The following RBBP4 variants were observed in gnomAD, a reference collection of about 807,000 sequenced individuals.
RBBP4 encodes the protein histone-binding protein RBBP4.
RBBP4 carries 3 observed loss-of-function variants against 57.2 expected under a neutral mutation model. The ratio of observed to expected loss-of-function variants is 0.05; its 90% CI spans 0.02 to 0.14. RBBP4 has a LOEUF of 0.14. Ranked by LOEUF, RBBP4 falls within the 10% of genes least tolerant of loss-of-function variation. RBBP4 has a pLI of 1.00. For missense variants in RBBP4, 107 were observed against 520.6 expected (o/e 0.21, Z 7.73); for synonymous variants, 151 against 171.5 (o/e 0.88, Z 0.93).
chr1:32,657,312 T>C (rs1648188851), intron 2 of RBBP4, 115 bp from the exon 3 acceptor site: 1 of 1,019,484 alleles, frequency 9.8e-7, no homozygotes. Flanking sequence ...TTAATGACTT[T>C]TTCCCCTCTC....
chr1:32,659,531 G>A (rs572464525), intron 3 of RBBP4, among the ~76,000 whole-genome samples: 4 of 55,608 alleles, frequency 7.2e-5, no homozygotes, highest in Non-Finnish European at 1.2e-4. Context: ...TTGCACTCCA[G>A]CCTGGGCAAA....
intron 11 of RBBP4, among the ~76,000 whole-genome samples, chr1:32,677,583 CCCTGAAAT>C (rs1649160490): frequency 6.6e-6 from 1 of 152,024 alleles, no homozygotes; most frequent in Non-Finnish European, 1.5e-5. Flanking sequence ...GTAGTGGGAA[CCCTGAAAT>C]TTGTAGTCAA....
rs1368289792 is a variant in RBBP4, at chr1:32,651,273, C to A, written c.-34C>A. 111 of 1,504,154 alleles carry A rather than the reference C, an allele frequency of 7.4e-5. No individual in the cohort carries two copies. Among genetic ancestry groups the A allele is most frequent in the Non-Finnish European group, 9.7e-5 (109 of 1,126,904 alleles). The allele number at this position is 1,504,154 out of a possible 1,614,324, so 93.2% of individuals were successfully genotyped here. On this transcript the variant is annotated 5_prime_UTR_variant, in exon 1 of 12. Transcript: ENST00000373493. Reference sequence around the variant, plus strand: ...GCCTCCCCGCCCCTCCCGCAACGCTCGACCCCAGGATTCCCCCGGCTCGCC... The same window carrying A: ...GCCTCCCCGCCCCTCCCGCAACGCTAGACCCCAGGATTCCCCCGGCTCGCC...
chr1:32,673,605 T>G (rs1648968726), intron 11 of RBBP4: 2 of 275,528 alleles, frequency 7.3e-6, no homozygotes, highest in Non-Finnish European at 1.4e-5. Flanking sequence ...GCCTGGCTAA[T>G]TTTTTTGTAT....
chr1:32,681,688 T>C lies in RBBP4; in HGVS notation c.*1983T>C. ...CTGCCTCCGGCCAACTCTAGAATCT[T>C]TTTAAGCAGGTCAGCCAGTATTTGC... On this transcript the variant is annotated 3_prime_UTR_variant, in exon 12 of 12. Coordinates refer to ENST00000373493, the MANE Select transcript of RBBP4 (RefSeq NM_005610.3). 5 of 1,095,474 alleles carry C rather than the reference T, an allele frequency of 4.6e-6. No homozygotes were observed. Among genetic ancestry groups the C allele is most frequent in the Non-Finnish European group, 5.4e-6 (4 of 737,944 alleles). The allele number at this position is 1,095,474 out of a possible 1,614,324, so 67.9% of individuals were successfully genotyped here. A position where few individuals can be genotyped will look rare whatever the true frequency, so the allele number is the denominator to read the frequency against.
At chr1:32,653,666 G>GT (rs71571718) in intron 2 of RBBP4, among the ~76,000 whole-genome samples, 1,033 of 39,096 alleles carry the variant, frequency 0.026, 66 homozygotes, top group Middle Eastern at 0.13. Flanking sequence ...TTTTGTTTTT[G>GT]TTTTTTTTTT....
chr1:32,660,413 A>ATTTTATTTATTTAT (rs139696228), intron 3 of RBBP4, among the ~76,000 whole-genome samples: 20,059 of 39,496 alleles, frequency 0.51, 2,874 homozygotes, highest in African/African-American at 0.55. Context: ...CTGGATTTTT[A>ATTTTATTTATTTAT]TTTTATTTAT....
At chr1:32,655,703 G>A (rs935065703) in intron 2 of RBBP4, among the ~76,000 whole-genome samples, 7 of 152,060 alleles carry the variant, frequency 4.6e-5, no homozygotes, top group African/African-American at 1.7e-4. Context: ...TATTCCTTAC[G>A]TGAAGGCCTT....
Position 32,683,879 on chromosome 1 carries a change from C to T in RBBP4, c.*4174C>T. 1.2e-6 allele frequency: 1 copy of T among 821,190 alleles called. No homozygotes were observed. Among genetic ancestry groups the T allele is most frequent in the Non-Finnish European group, 1.9e-6 (1 of 513,256 alleles). 50.9% of individuals were successfully genotyped at this position (821,190 alleles called of 1,614,324 possible). On this transcript the variant is annotated 3_prime_UTR_variant, in exon 12 of 12. Coordinates refer to ENST00000373493, the MANE Select transcript of RBBP4 (RefSeq NM_005610.3). ...AACTCCTGACTCCAGGTGATCCACCCTCCTCAGCCTCCCAAAGTGCTAGGA... is the reference window on the plus strand; with the variant it reads ...AACTCCTGACTCCAGGTGATCCACCTTCCTCAGCCTCCCAAAGTGCTAGGA...
Position 32,680,123 on chromosome 1 carries a change from T to C in RBBP4, c.*418T>C. ...AAAGATGTCACTTTTATTCAGGAAA[T>C]AGGGGGAGATTCAAGTCATATAGAT... On this transcript the variant is annotated 3_prime_UTR_variant, in exon 12 of 12. Coordinates refer to ENST00000373493, the MANE Select transcript of RBBP4 (RefSeq NM_005610.3). 2 of 1,066,994 alleles carry C rather than the reference T, an allele frequency of 1.9e-6. No homozygotes were observed. The highest frequency in any genetic ancestry group is 2.3e-6 in the Non-Finnish European group (2 of 883,722). The allele number at this position is 1,066,994 out of a possible 1,614,324, so 66.1% of individuals were successfully genotyped here.
Position 32,681,193 on chromosome 1 carries a change from G to T in RBBP4, c.*1488G>T, listed in dbSNP as rs1328697046. 2 of 152,514 alleles carry T rather than the reference G, an allele frequency of 1.3e-5. 1 individual carries two copies. The highest frequency in any genetic ancestry group is 4.1e-4 in the South Asian group (2 of 4,832). 9.4% of individuals were successfully genotyped at this position (152,514 alleles called of 1,614,324 possible). ...TCTGACCCAGAACTACTTTCATGAG[G>T]TAAGATCTTTGGGAAAATCTGAATA... On this transcript the variant is annotated 3_prime_UTR_variant, in exon 12 of 12. Coordinates refer to ENST00000373493, the MANE Select transcript of RBBP4 (RefSeq NM_005610.3).
chr1:32,663,187 C>T (rs190631414), intron 3 of RBBP4, among the ~76,000 whole-genome samples: 230 of 152,168 alleles, frequency 1.5e-3, no homozygotes, highest in African/African-American at 5.3e-3. Flanking sequence ...AGACACAGTT[C>T]ATACCTTCTG....
intron 1 of RBBP4, 97 bp downstream of exon 1, chr1:32,651,419 G>C: frequency 7.2e-7 from 1 of 1,382,366 alleles, no homozygotes; most frequent in Non-Finnish European, 9.4e-7. Flanking sequence ...CGAGTTTGCC[G>C]AGTGCAGTCC....
At position 32,672,467 on chromosome 1, in the gene RBBP4, C is replaced by T. The variant is rs762684616; in HGVS notation, c.984C>T (p.His328=). ...ATGTGTAGGTTCAGTGGTCACCTCACAATGAGACTATTTTAGCTTCCAGTG... is the reference window on the plus strand; with the variant it reads ...ATGTGTAGGTTCAGTGGTCACCTCATAATGAGACTATTTTAGCTTCCAGTG... ...DEIFQVQWSP[H]NETILASSGT... is the part of the protein sequence containing the mutation. The change falls in exon 9 of 12, where the codon CAC becomes CAT. Residue 328 remains histidine (H), a synonymous_variant. Coordinates refer to ENST00000373493, the MANE Select transcript of RBBP4 (RefSeq NM_005610.3). 3.7e-6 allele frequency: 6 copies of T among 1,609,156 alleles called. No individual in the cohort carries two copies. The South Asian group carries it at 4.4e-5, about 12-fold the overall frequency.
chr1:32,667,548 G>C (rs1648707500), intron 3 of RBBP4, among the ~76,000 whole-genome samples: 1 of 152,124 alleles, frequency 6.6e-6, no homozygotes, highest in African/African-American at 2.4e-5. Context: ...CCCAGGCTCA[G>C]GTGTTTTCTC....
At chr1:32,659,647 T>A (rs1648314884) in intron 3 of RBBP4, among the ~76,000 whole-genome samples, 1 of 152,224 alleles carries the variant, frequency 6.6e-6, no homozygotes, top group South Asian at 2.1e-4. Flanking sequence ...GAAGGATTTA[T>A]CCTGTGTATT....
intron 3 of RBBP4, among the ~76,000 whole-genome samples, chr1:32,666,529 G>A (rs1312604713): frequency 6.6e-6 from 1 of 151,972 alleles, no homozygotes; most frequent in African/African-American, 2.4e-5. Flanking sequence ...GCTAATTTTT[G>A]TATTTTTAGT....
In RBBP4 at chr1:32,669,083, C is replaced by G; in HGVS notation, c.712C>G (p.Leu238Val). ...AVVEDVSWHLLHESLFGSVAD... is the reference protein window; with the variant it reads ...AVVEDVSWHLVHESLFGSVAD... ...AGTAGAAGATGTTTCCTGGCATCTACTCCATGAGTCTCTGTTTGGGTCAGT... is the reference window on the plus strand; with the variant it reads ...AGTAGAAGATGTTTCCTGGCATCTAGTCCATGAGTCTCTGTTTGGGTCAGT... Residue 238 changes from leucine to valine, a missense_variant, in exon 6 of 12, where the codon CTC becomes GTC. Physicochemically the swap from Leu to Val is conservative, Grantham distance 32. Coordinates refer to ENST00000373493, the MANE Select transcript of RBBP4 (RefSeq NM_005610.3). The surrounding 1 kb of genome is among the most constrained non-coding windows in gnomAD (Gnocchi z 4.9). 6.2e-7 allele frequency: 1 copy of G among 1,614,164 alleles called. No homozygotes were observed. The highest frequency in any genetic ancestry group is 8.5e-7 in the Non-Finnish European group (1 of 1,180,030).
intron 3 of RBBP4, 92 bp downstream of exon 3, chr1:32,657,664 AT>A (rs2148517800): frequency 7.1e-7 from 1 of 1,417,182 alleles, no homozygotes; most frequent in South Asian, 1.4e-5. Context: ...TAGAAACAAT[AT>A]TTAAGGTTGA....
Sources: gnomAD v4.1 joint callset for allele counts (sites outside exome capture counted in the v4.1 genomes callset) on GRCh38, gnomAD v4.1.1 for gene constraint, Gnocchi (gnomAD v3.1) non-coding constraint, MANE v1.5 for transcripts, NCBI Gene and HGNC (gene_info 2026-07-23, HGNC 2026-07-21) for gene names.